MTHFD2L: variants seen among roughly 807,000 people sequenced by gnomAD.
MTHFD2L encodes the protein bifunctional methylenetetrahydrofolate dehydrogenase/cyclohydrolase 2, mitochondrial.
MTHFD2L carries 29 observed loss-of-function variants against 34.9 expected under a neutral mutation model. That is an observed-to-expected ratio of 0.83 (90% CI 0.62 to 1.13). The LOEUF is 1.13. Among genes scored for constraint, MTHFD2L ranks in the 50% most tolerant of loss-of-function variants. The probability of loss-of-function intolerance (pLI) is 0.00; values close to 1 mark genes in which losing one functional copy is unlikely to be tolerated. For synonymous variants in MTHFD2L, 167 were observed against 155.7 expected, an observed-to-expected ratio of 1.07 and a Z score of -0.54; for missense variants, 481 against 446.5, an observed-to-expected ratio of 1.08 and a Z score of -0.70.
chr4:74,243,746 C>T (rs961480574), intron 6 of MTHFD2L, among the ~76,000 whole-genome samples: 2 of 152,118 alleles, frequency 1.3e-5, no homozygotes, highest in Non-Finnish European at 2.9e-5. Flanking sequence ...CAAAACAAAG[C>T]TTGCAGGCAA....
chr4:74,122,870 G>C (rs184835537), upstream of MTHFD2L, among the ~76,000 whole-genome samples: 1 of 152,150 alleles, frequency 6.6e-6, no homozygotes, highest in African/African-American at 2.4e-5. Context: ...AGTTTTGATA[G>C]TTGTATTCTG....
chr4:74,295,416 G>A (rs1384951205), intron 7 of MTHFD2L, among the ~76,000 whole-genome samples: 1 of 151,976 alleles, frequency 6.6e-6, no homozygotes, highest in African/African-American at 2.4e-5. Flanking sequence ...CCCCATATCG[G>A]ATTTATGTTT....
intron 1 of MTHFD2L, among the ~76,000 whole-genome samples, chr4:74,152,079 T>C (rs1723974213): frequency 6.6e-6 from 1 of 152,156 alleles, no homozygotes; most frequent in South Asian, 2.1e-4. Flanking sequence ...GTGGTAAAGT[T>C]TTTCCTTTTA....
intron 3 of MTHFD2L, among the ~76,000 whole-genome samples, chr4:74,192,110 C>G (rs936119924): frequency 6.6e-6 from 1 of 151,914 alleles, no homozygotes; most frequent in African/African-American, 2.4e-5. Flanking sequence ...TTTTGAGTAG[C>G]AGAGGAGGCG....
chr4:74,274,761 A>G (rs77132463), intron 6 of MTHFD2L, among the ~76,000 whole-genome samples: 2 of 152,164 alleles, frequency 1.3e-5, no homozygotes, highest in African/African-American at 4.8e-5. Context: ...ATGTTCAGTG[A>G]GGTCACATTA....
At chr4:74,234,861 CAG>C (rs766559765) in intron 6 of MTHFD2L, among the ~76,000 whole-genome samples, 1 of 150,846 alleles carries the variant, frequency 6.6e-6, no homozygotes, top group Non-Finnish European at 1.5e-5. Flanking sequence ...AAAATAAAAA[CAG>C]AGAGAGAGAG....
chr4:74,156,099 G>C (rs1724229994), upstream of MTHFD2L, among the ~76,000 whole-genome samples: 1 of 151,964 alleles, frequency 6.6e-6, no homozygotes, highest in African/African-American at 2.4e-5. Flanking sequence ...TTTTAATATG[G>C]TATACTTTGT....
At chr4:74,179,329 GTTTCCATAC>G (rs1231586758) in intron 3 of MTHFD2L, among the ~76,000 whole-genome samples, 1 of 152,000 alleles carries the variant, frequency 6.6e-6, no homozygotes, top group Non-Finnish European at 1.5e-5. Flanking sequence ...TGGTTTCCCT[GTTTCCATAC>G]TTATAACCTA....
At chr4:74,193,433 T>C (rs909953133) in intron 3 of MTHFD2L, among the ~76,000 whole-genome samples, 18 of 152,188 alleles carry the variant, frequency 1.2e-4, no homozygotes, top group Non-Finnish European at 2.1e-4. Flanking sequence ...ATATTCTAAG[T>C]CCTTTAAATC....
chr4:74,137,996 A>G (rs1723049084), intron 1 of MTHFD2L, among the ~76,000 whole-genome samples: 1 of 152,014 alleles, frequency 6.6e-6, no homozygotes, highest in Non-Finnish European at 1.5e-5. Flanking sequence ...AAAATAATAT[A>G]AATATATTTA....
intron 6 of MTHFD2L, among the ~76,000 whole-genome samples, chr4:74,277,238 A>C (rs1746783357): frequency 1.3e-5 from 2 of 151,910 alleles, no homozygotes; most frequent in African/African-American, 4.8e-5. Flanking sequence ...AGGCTCAGGA[A>C]ACTGCTGAGG....
At chr4:74,237,992 T>C (rs1286384750) in intron 6 of MTHFD2L, among the ~76,000 whole-genome samples, 1 of 152,214 alleles carries the variant, frequency 6.6e-6, no homozygotes, top group African/African-American at 2.4e-5. Flanking sequence ...TGTTACTGAA[T>C]GTCTGTTGCA....
At chr4:74,190,024 T>C (rs948549546) in intron 3 of MTHFD2L, among the ~76,000 whole-genome samples, 2 of 152,198 alleles carry the variant, frequency 1.3e-5, no homozygotes, top group Non-Finnish European at 2.9e-5. Flanking sequence ...AAGGTACCTT[T>C]TAGTCAGGGT....
intron 1 of MTHFD2L, among the ~76,000 whole-genome samples, chr4:74,137,652 A>G (rs1427611723): frequency 6.6e-6 from 1 of 152,138 alleles, no homozygotes; most frequent in Non-Finnish European, 1.5e-5. Context: ...AGATATCTGC[A>G]TTCCCATGTT....
intron 6 of MTHFD2L, among the ~76,000 whole-genome samples, chr4:74,226,191 A>C (rs1036113315): frequency 1.9e-5 from 1 of 52,888 alleles, no homozygotes; most frequent in Non-Finnish European, 9.0e-5. Context: ...TTTGGTTGAC[A>C]AAAAAAAAAT....
Position 74,225,287 on chromosome 4 carries a change from T to G in MTHFD2L, c.713-15T>G. On this transcript the variant is annotated splice_polypyrimidine_tract_variant and intron_variant, in intron 5 of 7. Coordinates refer to ENST00000325278, the MANE Select transcript of MTHFD2L (RefSeq NM_001144978.3). Reference sequence around the variant, plus strand: ...AAGTTCAGTAATCACTGATAGAAATTCTTCTGTATTCCAGGTGATGCAACT... The same window carrying G: ...AAGTTCAGTAATCACTGATAGAAATGCTTCTGTATTCCAGGTGATGCAACT... 2 of 1,595,128 alleles carry G rather than the reference T, an allele frequency of 1.3e-6. No individual in the cohort carries two copies. Among genetic ancestry groups the G allele is most frequent in the Non-Finnish European group, 1.7e-6 (2 of 1,169,286 alleles).
chr4:74,164,128 A>G (rs565986430), intron 1 of MTHFD2L, among the ~76,000 whole-genome samples: 107 of 152,294 alleles, frequency 7.0e-4, no homozygotes, highest in African/African-American at 2.1e-3. Flanking sequence ...CGCCCGCCTC[A>G]GCCTCCCAAA....
At chr4:74,272,138 G>A (rs996243509) in intron 6 of MTHFD2L, among the ~76,000 whole-genome samples, 1 of 152,106 alleles carries the variant, frequency 6.6e-6, no homozygotes, top group African/African-American at 2.4e-5. Flanking sequence ...CTATGAATAG[G>A]GCATCCTAAG....
chr4:74,241,250 C>T (rs1334347941), intron 6 of MTHFD2L, among the ~76,000 whole-genome samples: 1 of 152,148 alleles, frequency 6.6e-6, no homozygotes, highest in African/African-American at 2.4e-5. Flanking sequence ...GAGCTCTTTC[C>T]TCAAGCCCGT....
Sources: allele counts gnomAD v4.1 joint callset (sites outside exome capture counted in the v4.1 genomes callset), GRCh38; gene constraint gnomAD v4.1.1; transcripts MANE v1.5; gene names NCBI Gene and HGNC (gene_info 2026-07-23, HGNC 2026-07-21).